The following ARHGAP24 variants were observed in gnomAD, a reference collection of about 807,000 sequenced individuals.
ARHGAP24 encodes Rho GTPase activating protein 24.
In ARHGAP24, 50 loss-of-function variants were observed where a neutral mutation model predicts 76.4. That is an observed-to-expected ratio of 0.65 (90% confidence interval 0.52 to 0.83). The LOEUF (loss-of-function observed/expected upper bound fraction) is 0.83, where lower values mean the gene tolerates loss of function less well. Ranked by LOEUF, ARHGAP24 falls within the 40% of genes least tolerant of loss-of-function variation. ARHGAP24 has a pLI of 0.00. For synonymous variants in ARHGAP24, 345 were observed against 323.3 expected (o/e 1.07, Z -0.72); for missense variants, 930 against 914.2 (o/e 1.02, Z -0.22).
chr4:85,585,289 A>G (rs1185964297), intron 2 of ARHGAP24, among the ~76,000 whole-genome samples: 1 of 152,234 alleles, frequency 6.6e-6, no homozygotes, highest in Non-Finnish European at 1.5e-5. Context: ...GCAGTAGCTG[A>G]TGATTGTGAC....
intron 2 of ARHGAP24, among the ~76,000 whole-genome samples, chr4:85,701,385 C>T (rs1053237287): frequency 6.6e-6 from 1 of 152,078 alleles, no homozygotes; most frequent in African/African-American, 2.4e-5. Context: ...ATCACCTGAG[C>T]GCTGTACACT....
Position 85,977,564 on chromosome 4 carries a change from C to G in ARHGAP24, c.807-6C>G, listed in dbSNP as rs1366430501. ...TGTATTTCAATCATATGCTTATACT[C>G]CATAGATTCTTGGATGAAGTACAGT... On this transcript the variant is annotated splice_polypyrimidine_tract_variant and splice_region_variant and intron_variant, in intron 7 of 9. Coordinates refer to ENST00000395184, the MANE Select transcript of ARHGAP24 (RefSeq NM_001025616.3). 1.2e-6 allele frequency: 2 copies of G among 1,613,044 alleles called. No homozygotes were observed. The highest frequency in any genetic ancestry group is 1.7e-5 in the Admixed American group (1 of 59,990).
At chr4:85,885,929 G>T (rs929126681) in intron 3 of ARHGAP24, among the ~76,000 whole-genome samples, 1 of 152,042 alleles carries the variant, frequency 6.6e-6, no homozygotes, top group African/African-American at 2.4e-5. Context: ...TAGGAATCCC[G>T]CACAGAGAAA....
rs766524361 is a variant in ARHGAP24, at chr4:85,995,082, T to C, written c.1428T>C (p.Ser476=). The part of the protein sequence containing the change: ...KVSGTKMGTH[S]VQNGTVRMGI... Reference sequence around the variant, plus strand: ...CTGGTACCAAAATGGGCACGCACAGTGTACAGAATGGAACGGTGCGCATGG... The same window carrying C: ...CTGGTACCAAAATGGGCACGCACAGCGTACAGAATGGAACGGTGCGCATGG... The change falls in exon 9 of 10, where the codon AGT becomes AGC. Residue 476 remains serine, a synonymous_variant. Coordinates refer to ENST00000395184, the MANE Select transcript of ARHGAP24 (RefSeq NM_001025616.3). The C allele has an allele frequency of 1.2e-6, 2 of 1,613,944 alleles. No individual in the cohort carries two copies. Among genetic ancestry groups the C allele is most frequent in the Non-Finnish European group, 1.7e-6 (2 of 1,179,988 alleles).
At chr4:85,583,946 G>A (rs1163459108) in intron 2 of ARHGAP24, among the ~76,000 whole-genome samples, 1 of 150,012 alleles carries the variant, frequency 6.7e-6, no homozygotes, top group African/African-American at 2.5e-5. Flanking sequence ...GAAACAACAG[G>A]TGCTGGAGAG....
intron 2 of ARHGAP24, among the ~76,000 whole-genome samples, chr4:85,717,909 A>G (rs1283930237): frequency 6.6e-6 from 1 of 152,178 alleles, no homozygotes; most frequent in African/African-American, 2.4e-5. Flanking sequence ...ATTTAAAGAA[A>G]TAATATCTGA....
rs528808845 is a variant in ARHGAP24 at position 85,978,044 on chromosome 4, C to T, written c.928+353C>T. ...AAAGTTATTATTTTCAGTTAATATA[C>T]ATTTTTATTAATTTTGATTTTATTT... is the stretch of plus-strand genomic sequence containing the variant. On this transcript the variant is annotated intron_variant, in intron 8 of 9. Transcript: ENST00000395184. Among the ~76,000 whole-genome samples the T allele has an allele frequency of 5.3e-5, 8 of 152,244 alleles. No homozygotes were observed. The East Asian group carries it at 1.5e-3, about 29-fold the overall frequency.
rs1046265808 is a variant in ARHGAP24, at chr4:85,742,304, G to A, written c.268+20332G>A. Among the ~76,000 whole-genome samples, 40 of 152,310 alleles carry A rather than the reference G, an allele frequency of 2.6e-4. 1 individual carries two copies. Among genetic ancestry groups the A allele is most frequent in the African/African-American group, 9.4e-4 (39 of 41,574 alleles). On this transcript the variant is annotated intron_variant, in intron 3 of 9. Transcript: ENST00000395184. ...TCTCTCTCTTATCGTGCAACATGGA[G>A]AGCGGGAGAAAATGAGGGAGGACAG...
intron 3 of ARHGAP24, among the ~76,000 whole-genome samples, chr4:85,769,899 T>A (rs12498959): frequency 0.17 from 26,066 of 152,164 alleles, 3,065 homozygotes; most frequent in East Asian, 0.66. Flanking sequence ...TAGTGGTTAA[T>A]CCTTAAGAAT....
At chr4:85,768,573 C>T (rs1459067358) in intron 3 of ARHGAP24, among the ~76,000 whole-genome samples, 2 of 152,022 alleles carry the variant, frequency 1.3e-5, no homozygotes, top group African/African-American at 2.4e-5. Context: ...CCTGTCTCTA[C>T]TAAAAACACA....
At chr4:85,570,098 A>G (rs967004590) in intron 1 of ARHGAP24, among the ~76,000 whole-genome samples, 1 of 152,142 alleles carries the variant, frequency 6.6e-6, no homozygotes, top group African/African-American at 2.4e-5. Context: ...TTTCAGTTCT[A>G]CTTAGGGACA....
intron 1 of ARHGAP24, among the ~76,000 whole-genome samples, chr4:85,495,602 T>A (rs1723546861): frequency 6.6e-6 from 1 of 151,968 alleles, no homozygotes; most frequent in Non-Finnish European, 1.5e-5. Flanking sequence ...TCCGCCCGCC[T>A]CGGCCGCCCA....
At chr4:85,563,683 G>A (rs1014585033) in intron 1 of ARHGAP24, among the ~76,000 whole-genome samples, 4 of 152,158 alleles carry the variant, frequency 2.6e-5, no homozygotes, top group African/African-American at 9.7e-5. Context: ...ACTAACTTCT[G>A]CTATAGGTAG....
chr4:85,650,041 C>A (rs759808707), intron 2 of ARHGAP24, among the ~76,000 whole-genome samples: 3 of 152,056 alleles, frequency 2.0e-5, no homozygotes, highest in Non-Finnish European at 4.4e-5. Context: ...TTGCACTACA[C>A]CAACTCCTCT....
At chr4:85,783,509 A>G (rs1187882087) in intron 3 of ARHGAP24, among the ~76,000 whole-genome samples, 1 of 152,064 alleles carries the variant, frequency 6.6e-6, no homozygotes, top group Non-Finnish European at 1.5e-5. Context: ...GTCCTGAAAT[A>G]TCACTGATCT....
intron 3 of ARHGAP24, among the ~76,000 whole-genome samples, chr4:85,749,577 G>A (rs1320019752): frequency 2.0e-5 from 3 of 152,050 alleles, no homozygotes; most frequent in Non-Finnish European, 2.9e-5. Context: ...GTTGTTGTTT[G>A]TTTTGTTTTT....
chr4:86,000,473 T>G lies in ARHGAP24; in HGVS notation c.2004-6T>G. 4 of 1,008,942 alleles carry G rather than the reference T, an allele frequency of 4.0e-6. No homozygotes were observed. Among genetic ancestry groups the G allele is most frequent in the East Asian group, 5.1e-5 (1 of 19,748 alleles). 62.5% of individuals were successfully genotyped at this position (1,008,942 alleles called of 1,614,324 possible). On this transcript the variant is annotated splice_region_variant and splice_polypyrimidine_tract_variant and intron_variant, in intron 9 of 9. Transcript: ENST00000395184. ...CACCCCCCACCCCCCCCAACATCCT[T>G]TGTAGCTTAGAACAGCGAAACTTGA...
chr4:85,558,239 G>A (rs1726465543), intron 1 of ARHGAP24, among the ~76,000 whole-genome samples: 1 of 152,160 alleles, frequency 6.6e-6, no homozygotes, highest in African/African-American at 2.4e-5. Flanking sequence ...GGATGAGGGA[G>A]AGGGGAGTCC....
intron 3 of ARHGAP24, among the ~76,000 whole-genome samples, chr4:85,817,210 A>G (rs2110119348): frequency 6.6e-6 from 1 of 152,038 alleles, no homozygotes; most frequent in East Asian, 1.9e-4. Context: ...CATTCTGTAG[A>G]TTTTCTCCAG....
Sources: gnomAD v4.1 joint callset for allele counts (sites outside exome capture counted in the v4.1 genomes callset) on GRCh38, gnomAD v4.1.1 for gene constraint, MANE v1.5 for transcripts, NCBI Gene and HGNC (gene_info 2026-07-23, HGNC 2026-07-21) for gene names.